The following SLC4A8 variants were observed in gnomAD, a reference collection of about 807,000 sequenced individuals.
SLC4A8 encodes electroneutral sodium bicarbonate exchanger 1.
Under a neutral mutation model 125.0 loss-of-function variants are expected in SLC4A8, and 40 were observed. That is an observed-to-expected ratio of 0.32 (90% confidence interval 0.25 to 0.42). SLC4A8 has a LOEUF of 0.42. Ranked by LOEUF, SLC4A8 falls within the 10% of genes least tolerant of loss-of-function variation. The pLI is 1.00. For synonymous variants in SLC4A8, 456 were observed against 476.0 expected, an observed-to-expected ratio of 0.96 and a Z score of 0.55; for missense variants, 863 against 1,355.1, an observed-to-expected ratio of 0.64 and a Z score of 5.70.
chr12:51,479,661 C>A (rs1334511525), intron 16 of SLC4A8, among the ~76,000 whole-genome samples: 15 of 128,600 alleles, frequency 1.2e-4, no homozygotes, highest in African/African-American at 4.2e-4. Flanking sequence ...CCAGCCTGGG[C>A]GACAGAGTGA....
intron 3 of SLC4A8, 105 bp from the exon 4 acceptor site, chr12:51,452,019 C>G: frequency 9.8e-7 from 1 of 1,025,638 alleles, no homozygotes. Context: ...CTTCTGCATT[C>G]GTGGTTGTCT....
intron 5 of SLC4A8, 142 bp downstream of exon 5, chr12:51,453,841 G>T: frequency 3.0e-6 from 2 of 662,028 alleles, no homozygotes; most frequent in Non-Finnish European, 5.0e-6. Flanking sequence ...CAATGTCCTT[G>T]GCTGTGGGAA....
At chr12:51,479,918 T>C (rs1271291524) in intron 16 of SLC4A8, 1 of 383,350 alleles carries the variant, frequency 2.6e-6, no homozygotes, top group Non-Finnish European at 5.0e-6. Context: ...CTTTTTTCTG[T>C]CTCACGAAAC....
At chr12:51,489,402 G>A (rs1809394067) in intron 18 of SLC4A8, among the ~76,000 whole-genome samples, 1 of 152,146 alleles carries the variant, frequency 6.6e-6, no homozygotes, top group African/African-American at 2.4e-5. Flanking sequence ...GATGTGGCAG[G>A]GTGTCTGGTT....
intron 4 of SLC4A8, among the ~76,000 whole-genome samples, chr12:51,453,245 G>T (rs964059407): frequency 7.2e-5 from 11 of 152,110 alleles, no homozygotes; most frequent in Non-Finnish European, 1.6e-4. Flanking sequence ...AAAATTATCT[G>T]TAATTCCACA....
chr12:51,470,705 A>G (rs1950665796), intron 13 of SLC4A8, among the ~76,000 whole-genome samples, 180 bp downstream of exon 13: 1 of 152,204 alleles, frequency 6.6e-6, no homozygotes, highest in African/African-American at 2.4e-5. Flanking sequence ...CCAAAATAGC[A>G]GATCTCCTAT....
Position 51,504,059 on chromosome 12 carries a change from G to A in SLC4A8, c.3112G>A (p.Asp1038Asn). ...TGAGAAAATGTTAGAAATTGGGGGA[G>A]ACAAGTTTCCCTTAGAGAGCAGGAA... ...EAEKMLEIGG[D>N]KFPLESRKLL... is the part of the protein sequence containing the mutation. The change falls in exon 23 of 25, where the codon GAC (aspartate) becomes AAC (asparagine). Residue 1038 changes from aspartate (D) to asparagine (N), a missense_variant. Around this residue, in one of 6 missense-constraint regions of SLC4A8, gnomAD observed 92 missense variants for 125.6 expected, o/e 0.73. Transcript: ENST00000453097. The A allele has an allele frequency of 6.3e-7, 1 of 1,587,556 alleles. No homozygotes were observed. Among genetic ancestry groups the A allele is most frequent in the Non-Finnish European group, 8.6e-7 (1 of 1,165,212 alleles).
rs201365339 is a variant in SLC4A8, at chr12:51,485,770, C to T, written c.2173-17C>T. On this transcript the variant is annotated splice_polypyrimidine_tract_variant and intron_variant, in intron 16 of 24. Transcript: ENST00000453097. ...TTTAACCTGCCAAAACATGTGTCCA[C>T]TTCTTTCTCATGCCAGGTACGCTCC... The T allele has an allele frequency of 2.3e-4, 340 of 1,474,288 alleles. No individual in the cohort carries two copies. The highest frequency in any genetic ancestry group is 1.3e-4 in the Non-Finnish European group (135 of 1,052,964). The allele number at this position is 1,474,288 out of a possible 1,614,324, so 91.3% of individuals were successfully genotyped here. A position where few individuals can be genotyped will look rare whatever the true frequency, so the allele number is the denominator to read the frequency against.
At chr12:51,469,887 G>T in intron 12 of SLC4A8, 99 bp downstream of exon 12, 1 of 1,055,158 alleles carries the variant, frequency 9.5e-7, no homozygotes, top group Non-Finnish European at 1.4e-6. Context: ...GTCTAGGACT[G>T]AAGAGATTGG....
chr12:51,466,204 G>T (rs933859862), intron 11 of SLC4A8, among the ~76,000 whole-genome samples: 1 of 152,148 alleles, frequency 6.6e-6, no homozygotes, highest in Admixed American at 6.5e-5. Flanking sequence ...ATTGACTAAG[G>T]CAGGGATGCC....
At chr12:51,483,732 CAG>C (rs1448163241) in intron 16 of SLC4A8, among the ~76,000 whole-genome samples, 2 of 151,804 alleles carry the variant, frequency 1.3e-5, no homozygotes, top group Non-Finnish European at 2.9e-5. Flanking sequence ...AAAATTTTAA[CAG>C]GGATTCTTTT....
chr12:51,399,938 C>T (rs898945099), intron 1 of SLC4A8, among the ~76,000 whole-genome samples: 3 of 150,550 alleles, frequency 2.0e-5, no homozygotes, highest in South Asian at 2.1e-4. Flanking sequence ...GCTGAGATTG[C>T]GTGACTGCAC....
chr12:51,432,393 A>T (rs1414477523), intron 1 of SLC4A8, among the ~76,000 whole-genome samples: 2 of 135,386 alleles, frequency 1.5e-5, no homozygotes, highest in Admixed American at 7.9e-5. Context: ...CCTGGGCGAC[A>T]GAGCGAGACT....
chr12:51,480,305 T>G, intron 16 of SLC4A8: 1 of 1,226,638 alleles, frequency 8.2e-7, no homozygotes, highest in Middle Eastern at 2.6e-4. Context: ...TTGCTTAAAA[T>G]GTATTTATAT....
chr12:51,433,823 C>CTTTGTTG (rs1176709052), intron 1 of SLC4A8, among the ~76,000 whole-genome samples: 127 of 146,768 alleles, frequency 8.7e-4, no homozygotes, highest in African/African-American at 2.8e-3. Context: ...GTACCCATGA[C>CTTTGTTG]TTGGCGTCAA....
chr12:51,456,495 T>C (rs909244923), intron 5 of SLC4A8, among the ~76,000 whole-genome samples: 11 of 152,190 alleles, frequency 7.2e-5, no homozygotes, highest in African/African-American at 2.4e-4. Context: ...ATGTTCATAA[T>C]ATTTTAGGGA....
In SLC4A8 at chr12:51,452,191, G is replaced by A. The variant is rs529135361; in HGVS notation, c.345G>A (p.Glu115=). ...TEEDEEHVPH[E]LFTELDEICM... ...AAGATGAAGAGCATGTGCCTCATGAGCTGTTTACAGAGCTGGATGAGATCT... is the reference window on the plus strand; with the variant it reads ...AAGATGAAGAGCATGTGCCTCATGAACTGTTTACAGAGCTGGATGAGATCT... The change falls in exon 4 of 25, where the codon GAG becomes GAA. Residue 115 remains glutamate, a synonymous_variant. Transcript: ENST00000453097. 6.2e-7 allele frequency: 1 copy of A among 1,614,064 alleles called. No homozygotes were observed. The highest frequency in any genetic ancestry group is 1.7e-5 in the Admixed American group (1 of 60,028).
intron 7 of SLC4A8, 122 bp downstream of exon 7, chr12:51,458,772 C>A: frequency 1.5e-6 from 1 of 668,730 alleles, no homozygotes; most frequent in Non-Finnish European, 2.6e-6. Context: ...AAGACTAGAG[C>A]CCTTTCTGCA....
chr12:51,438,070 CATGTA>C lies in SLC4A8; in HGVS notation c.49-2632_49-2628del, dbSNP rs1271617983. Among the ~76,000 whole-genome samples the C allele has an allele frequency of 9.2e-5, 14 of 152,240 alleles. No homozygotes were observed. The East Asian group carries it at 2.1e-3, about 23-fold the overall frequency. On this transcript the variant is annotated intron_variant, in intron 1 of 24. Coordinates refer to ENST00000453097, the MANE Select transcript of SLC4A8 (RefSeq NM_001039960.3). The stretch of plus-strand genomic sequence containing the variant: ...TGGGGTGCATGGTGATGTTTCAATA[CATGTA>C]ATGTATAGTGATCAGATCAGAGTAA...
Sources: allele counts gnomAD v4.1 joint callset (sites outside exome capture counted in the v4.1 genomes callset), GRCh38; gene constraint gnomAD v4.1.1; regional missense constraint gnomAD v4.1.1; transcripts MANE v1.5; gene names NCBI Gene and HGNC (gene_info 2026-07-23, HGNC 2026-07-21).